JAKMIP2: variants seen among roughly 807,000 people sequenced by gnomAD.
JAKMIP2 encodes the protein janus kinase and microtubule-interacting protein 2.
JAKMIP2 carries 25 observed loss-of-function variants against 115.0 expected under a neutral mutation model. That is an observed-to-expected ratio of 0.22 (90% CI 0.16 to 0.30). JAKMIP2 has a LOEUF of 0.30. JAKMIP2 is among the 10% of genes least tolerant of loss of function. The pLI, the probability that JAKMIP2 is intolerant of heterozygous loss-of-function variation, is 1.00. For missense variants in JAKMIP2, 642 were observed against 957.6 expected (o/e 0.67, Z 4.35); for synonymous variants, 334 against 343.6 (o/e 0.97, Z 0.31).
At chr5:147,702,897 T>C (rs1230168951) in intron 1 of JAKMIP2, among the ~76,000 whole-genome samples, 1 of 152,134 alleles carries the variant, frequency 6.6e-6, no homozygotes, top group African/African-American at 2.4e-5. Flanking sequence ...TAAATATACT[T>C]GGGAAACTCT....
At chr5:147,645,254 G>C (rs1467550749) in intron 5 of JAKMIP2, among the ~76,000 whole-genome samples, 1 of 152,112 alleles carries the variant, frequency 6.6e-6, no homozygotes. Flanking sequence ...TCCAGAGACT[G>C]GTTTTGGAAA....
At chr5:147,752,351 G>A (rs1754589334) in intron 1 of JAKMIP2, among the ~76,000 whole-genome samples, 1 of 152,170 alleles carries the variant, frequency 6.6e-6, no homozygotes, top group South Asian at 2.1e-4. Flanking sequence ...AATCATTGCA[G>A]GGGTTAGAGT....
chr5:147,606,245 G>A (rs1581274298), intron 20 of JAKMIP2, among the ~76,000 whole-genome samples: 1 of 152,156 alleles, frequency 6.6e-6, no homozygotes, highest in Admixed American at 6.5e-5. Flanking sequence ...TTTTAGTCAT[G>A]AAGTCTTTGC....
At chr5:147,604,953 C>A (rs1420153928) in intron 20 of JAKMIP2, among the ~76,000 whole-genome samples, 1 of 151,704 alleles carries the variant, frequency 6.6e-6, no homozygotes, top group Non-Finnish European at 1.5e-5. Context: ...TTAGGTATTT[C>A]TCCTAATGCT....
intron 12 of JAKMIP2, among the ~76,000 whole-genome samples, chr5:147,633,830 C>A (rs1453170129): frequency 8.4e-6 from 1 of 119,020 alleles, no homozygotes; most frequent in African/African-American, 2.6e-5. Flanking sequence ...GCTGGGACTA[C>A]AGGTGCCTGC....
intron 1 of JAKMIP2, among the ~76,000 whole-genome samples, chr5:147,733,927 G>T (rs183326823): frequency 6.6e-5 from 10 of 152,252 alleles, no homozygotes; most frequent in African/African-American, 2.4e-4. Flanking sequence ...GTAAACATAT[G>T]TGTGCAGGTG....
chr5:147,694,940 G>C (rs903413169), intron 1 of JAKMIP2, among the ~76,000 whole-genome samples: 10 of 152,128 alleles, frequency 6.6e-5, no homozygotes, highest in Non-Finnish European at 1.3e-4. Context: ...TTTGTTTAAG[G>C]TTCCACACTG....
chr5:147,630,243 T>C (rs1484585943), intron 14 of JAKMIP2, among the ~76,000 whole-genome samples: 2 of 152,156 alleles, frequency 1.3e-5, no homozygotes, highest in Non-Finnish European at 2.9e-5. Context: ...TGCAGTACCA[T>C]TTTTTTAAAG....
intron 3 of JAKMIP2, among the ~76,000 whole-genome samples, chr5:147,652,396 G>T (rs902594221): frequency 6.6e-6 from 1 of 152,132 alleles, no homozygotes; most frequent in Admixed American, 6.5e-5. Flanking sequence ...AAGCTTTATT[G>T]CGTAGCAGTT....
chr5:147,688,588 G>C (rs1384965657), intron 1 of JAKMIP2, among the ~76,000 whole-genome samples: 1 of 152,106 alleles, frequency 6.6e-6, no homozygotes, highest in Non-Finnish European at 1.5e-5. Flanking sequence ...CAGAGACTTA[G>C]TGAAGATAAA....
intron 20 of JAKMIP2, among the ~76,000 whole-genome samples, chr5:147,604,169 G>A (rs1313479398): frequency 6.6e-6 from 1 of 152,208 alleles, no homozygotes; most frequent in East Asian, 1.9e-4. Flanking sequence ...CCAATCACTG[G>A]GAAATTTATT....
intron 16 of JAKMIP2, among the ~76,000 whole-genome samples, chr5:147,624,743 G>A (rs1757015561): frequency 6.6e-6 from 1 of 152,102 alleles, no homozygotes; most frequent in Admixed American, 6.5e-5. Context: ...AAGCAATTGG[G>A]CATAATAATT....
intron 20 of JAKMIP2, among the ~76,000 whole-genome samples, chr5:147,604,613 G>A (rs1171560245): frequency 6.6e-6 from 1 of 152,050 alleles, no homozygotes; most frequent in East Asian, 1.9e-4. Flanking sequence ...TTGCAGGAAG[G>A]GCAGATAGTT....
intron 3 of JAKMIP2, among the ~76,000 whole-genome samples, chr5:147,660,174 C>T (rs1270851680): frequency 6.6e-6 from 1 of 152,058 alleles, no homozygotes; most frequent in African/African-American, 2.4e-5. Flanking sequence ...CAAGGTCAAC[C>T]TAGGACATTC....
intron 21 of JAKMIP2, among the ~76,000 whole-genome samples, chr5:147,593,061 C>T (rs1033771239): frequency 2.0e-5 from 3 of 152,198 alleles, no homozygotes; most frequent in African/African-American, 7.2e-5. Flanking sequence ...GCATACTTGC[C>T]TCCTATTGCT....
chr5:147,753,581 C>T (rs1754637725), intron 1 of JAKMIP2, among the ~76,000 whole-genome samples: 1 of 152,178 alleles, frequency 6.6e-6, no homozygotes, highest in South Asian at 2.1e-4. Flanking sequence ...AATTGAAAAT[C>T]CAGTTTATTT....
chr5:147,700,053 C>T (rs1042158208), intron 1 of JAKMIP2, among the ~76,000 whole-genome samples: 3 of 152,168 alleles, frequency 2.0e-5, no homozygotes, highest in African/African-American at 7.2e-5. Flanking sequence ...AAATTCAAAA[C>T]CTCTTTGGAG....
chr5:147,752,905 G>A (rs902760938), intron 1 of JAKMIP2, among the ~76,000 whole-genome samples: 2 of 152,110 alleles, frequency 1.3e-5, no homozygotes, highest in African/African-American at 2.4e-5. Flanking sequence ...CAGCTTTGTG[G>A]GAAGAGTGAA....
At position 147,664,481 on chromosome 5, in the gene JAKMIP2, C is replaced by T. The variant is rs531962817; in HGVS notation, c.130-3036G>A. Among the ~76,000 whole-genome samples, 79 of 152,248 alleles carry T rather than the reference C, an allele frequency of 5.2e-4. 1 individual carries two copies. Among genetic ancestry groups the T allele is most frequent in the Non-Finnish European group, 1.0e-3 (69 of 68,024 alleles). ...CTATTTTCTGCACATGCCTGCATCT[C>T]GTACCCAGATGCCACAGTTTCTTCT... is the stretch of plus-strand genomic sequence containing the variant. On this transcript the variant is annotated intron_variant, in intron 2 of 21. Transcript: ENST00000616793.
Sources: allele counts gnomAD v4.1 joint callset (sites outside exome capture counted in the v4.1 genomes callset), GRCh38; gene constraint gnomAD v4.1.1; transcripts MANE v1.5; gene names NCBI Gene and HGNC (gene_info 2026-07-23, HGNC 2026-07-21).